Variants in TYW3 observed in about 807,000 individuals in gnomAD.
TYW3 encodes the protein tRNA wybutosine-synthesizing protein 3 homolog.
A neutral mutation model predicts 23.1 loss-of-function variants in TYW3; 26 were observed. That is an observed-to-expected ratio of 1.13 (90% CI 0.83 to 1.56). TYW3 has a LOEUF of 1.56. Among genes scored for constraint, TYW3 ranks in the 40% most tolerant of loss-of-function variants. TYW3 has a pLI of 0.00. For missense variants in TYW3, 316 were observed against 311.9 expected, an observed-to-expected ratio of 1.01 and a Z score of -0.10; for synonymous variants, 102 against 105.7, an observed-to-expected ratio of 0.97 and a Z score of 0.21.
chr1:74,733,930 T>A (rs543605188), intron 1 of TYW3, among the ~76,000 whole-genome samples: 5 of 152,268 alleles, frequency 3.3e-5, no homozygotes, highest in South Asian at 2.1e-4. Flanking sequence ...TCTAGTAGTT[T>A]TACGCAGAGA....
intron 3 of TYW3, among the ~76,000 whole-genome samples, chr1:74,742,604 G>T (rs1415796115): frequency 1.3e-5 from 2 of 152,124 alleles, no homozygotes; most frequent in Non-Finnish European, 2.9e-5. Context: ...GTTTCCTTCT[G>T]CCTTTTCTCC....
chr1:74,740,479 A>G (rs796708883), intron 3 of TYW3, among the ~76,000 whole-genome samples: 9 of 152,074 alleles, frequency 5.9e-5, no homozygotes, highest in African/African-American at 2.2e-4. Context: ...TCGGGTGGAC[A>G]GTTTTTATTC....
rs534254175 is a variant in TYW3 at position 74,743,372 on chromosome 1, A to G, written c.354+4584A>G. Among the ~76,000 whole-genome samples the G allele has an allele frequency of 2.6e-5, 4 of 152,024 alleles. No homozygotes were observed. The South Asian group carries it at 8.3e-4, about 32-fold the overall frequency. On this transcript the variant is annotated intron_variant, in intron 3 of 5. Transcript: ENST00000370867. ...TAGAACACCAACGTTGCCAGGTTTA[A>G]TAATGCCTCCAGATTTTTTCAGGGC...
Position 74,752,444 on chromosome 1 carries a change from T to A in TYW3, c.560+19T>A. On this transcript the variant is annotated intron_variant, in intron 5 of 5. Coordinates refer to ENST00000370867, the MANE Select transcript of TYW3 (RefSeq NM_138467.3). ...TTGAGAGGTATATTAATTGGGTATTTCCATGTTATTCTTATATGCCTAGAT... is the reference window on the plus strand; with the variant it reads ...TTGAGAGGTATATTAATTGGGTATTACCATGTTATTCTTATATGCCTAGAT... 1 of 1,607,752 alleles carries A rather than the reference T, an allele frequency of 6.2e-7. No individual in the cohort carries two copies. The highest frequency in any genetic ancestry group is 8.5e-7 in the Non-Finnish European group (1 of 1,176,350).
intron 3 of TYW3, chr1:74,748,507 G>C: frequency 4.6e-6 from 2 of 433,186 alleles, no homozygotes. Context: ...GTCACTGTTT[G>C]TGATTGAATT....
Position 74,764,976 on chromosome 1 carries a change from G to A in TYW3, c.*863G>A, listed in dbSNP as rs1649253419. 6.6e-6 allele frequency: 1 copy of A among 152,292 alleles called. No individual in the cohort carries two copies. Among genetic ancestry groups the A allele is most frequent in the African/African-American group, 2.4e-5 (1 of 41,570 alleles). The allele number at this position is 152,292 out of a possible 1,614,324, so 9.4% of individuals were successfully genotyped here. A position where few individuals can be genotyped will look rare whatever the true frequency, so the allele number is the denominator to read the frequency against. The stretch of plus-strand genomic sequence containing the variant: ...AAGGGCCGTTCTAATCTAGCATGGA[G>A]GTAGACAGTGTTTCCTTAATATGGC... On this transcript the variant is annotated 3_prime_UTR_variant, in exon 6 of 6. Coordinates refer to ENST00000370867, the MANE Select transcript of TYW3 (RefSeq NM_138467.3).
chr1:74,735,320 A>C (rs1163476292), intron 1 of TYW3, among the ~76,000 whole-genome samples: 2 of 151,786 alleles, frequency 1.3e-5, no homozygotes, highest in African/African-American at 4.8e-5. Context: ...GCTTTTGCTC[A>C]TGTTTTTTGG....
chr1:74,747,461 C>A (rs1250168573), intron 3 of TYW3, among the ~76,000 whole-genome samples: 1 of 151,424 alleles, frequency 6.6e-6, no homozygotes, highest in African/African-American at 2.4e-5. Flanking sequence ...AACAGTGAAA[C>A]CCCGTCTCTA....
At chr1:74,739,114 G>C (rs1331682570) in intron 3 of TYW3, among the ~76,000 whole-genome samples, 7 of 152,112 alleles carry the variant, frequency 4.6e-5, no homozygotes, top group Non-Finnish European at 7.4e-5. Context: ...GTAAAATTAA[G>C]AGTTTTAAAG....
chr1:74,746,539 T>C (rs1244678210), intron 3 of TYW3, among the ~76,000 whole-genome samples: 2 of 152,224 alleles, frequency 1.3e-5, no homozygotes, highest in Admixed American at 6.5e-5. Context: ...AGGGAGCTAA[T>C]TGAAGTGGAC....
intron 5 of TYW3, among the ~76,000 whole-genome samples, chr1:74,763,633 CT>C (rs1432278574): frequency 2.0e-5 from 3 of 152,068 alleles, no homozygotes; most frequent in African/African-American, 7.2e-5. Context: ...TTTTTACCCT[CT>C]TCTTTGACCC....
intron 5 of TYW3, 149 bp from the exon 6 acceptor site, chr1:74,763,745 C>T: frequency 1.8e-6 from 1 of 556,596 alleles, no homozygotes; most frequent in Non-Finnish European, 3.0e-6. Context: ...GCATTTATTT[C>T]CCTAATAAAA....
intron 4 of TYW3, among the ~76,000 whole-genome samples, chr1:74,751,882 CTG>C (rs1379764293): frequency 6.6e-6 from 1 of 152,194 alleles, no homozygotes; most frequent in Non-Finnish European, 1.5e-5. Context: ...ACTCTTGTAA[CTG>C]TGCTCTGCTC....
intron 2 of TYW3, among the ~76,000 whole-genome samples, chr1:74,737,701 G>A (rs990344010): frequency 1.3e-5 from 2 of 152,194 alleles, no homozygotes; most frequent in Non-Finnish European, 2.9e-5. Flanking sequence ...CTACGCCGCA[G>A]GATACACTGT....
At chr1:74,739,753 C>T (rs951813913) in intron 3 of TYW3, among the ~76,000 whole-genome samples, 4 of 152,186 alleles carry the variant, frequency 2.6e-5, no homozygotes, top group African/African-American at 7.2e-5. Context: ...CTCAGTTCTG[C>T]TTCAGCATAG....
At chr1:74,735,908 G>A (rs367882465) in intron 1 of TYW3, among the ~76,000 whole-genome samples, 4 of 152,280 alleles carry the variant, frequency 2.6e-5, no homozygotes, top group African/African-American at 9.6e-5. Flanking sequence ...GTCCTTGAGG[G>A]GTAGGTTCTG....
chr1:74,744,684 C>T (rs970058572), intron 3 of TYW3, among the ~76,000 whole-genome samples: 17 of 152,168 alleles, frequency 1.1e-4, no homozygotes, highest in African/African-American at 1.4e-4. Flanking sequence ...TGGTTCCTTC[C>T]GATGGGTTCT....
Position 74,764,985 on chromosome 1 carries a change from T to C in TYW3, c.*872T>C, listed in dbSNP as rs1262496489. 2.0e-5 allele frequency: 3 copies of C among 152,136 alleles called. No homozygotes were observed. The South Asian group carries it at 6.2e-4, about 32-fold the overall frequency. The allele number at this position is 152,136 out of a possible 1,614,324, so 9.4% of individuals were successfully genotyped here. On this transcript the variant is annotated 3_prime_UTR_variant, in exon 6 of 6. Transcript: ENST00000370867. ...TCTAATCTAGCATGGAGGTAGACAG[T>C]GTTTCCTTAATATGGCTGCATATCA...
intron 1 of TYW3, among the ~76,000 whole-genome samples, chr1:74,735,972 A>T (rs1648140318): frequency 6.6e-6 from 1 of 152,204 alleles, no homozygotes; most frequent in Non-Finnish European, 1.5e-5. Flanking sequence ...GTTCAATTTA[A>T]GTTAATATTA....
Sources: allele counts gnomAD v4.1 joint callset (sites outside exome capture counted in the v4.1 genomes callset), GRCh38; gene constraint gnomAD v4.1.1; transcripts MANE v1.5; gene names NCBI Gene and HGNC (gene_info 2026-07-23, HGNC 2026-07-21).